COL5A2: variants seen among roughly 807,000 people sequenced by gnomAD.
COL5A2 encodes the protein collagen type V alpha 2 chain.
A neutral mutation model predicts 208.2 loss-of-function variants in COL5A2; 23 were observed. The ratio of observed to expected loss-of-function variants is 0.11; its 90% confidence interval spans 0.08 to 0.16. The LOEUF (loss-of-function observed/expected upper bound fraction) is 0.16, where lower values mean the gene tolerates loss of function less well. Among genes scored for constraint, COL5A2 ranks in the 10% least tolerant of loss-of-function variants. The pLI, the probability that COL5A2 is intolerant of heterozygous loss-of-function variation, is 1.00. For missense variants in COL5A2, 1,590 were observed against 1,956.4 expected, an observed-to-expected ratio of 0.81 and a Z score of 3.53; for synonymous variants, 625 against 628.5, an observed-to-expected ratio of 0.99 and a Z score of 0.08.
chr2:189,162,520 C>T (rs984716387), intron 1 of COL5A2, among the ~76,000 whole-genome samples: 19 of 151,948 alleles, frequency 1.3e-4, no homozygotes, highest in African/African-American at 3.1e-4. Context: ...ATTTAAATCC[C>T]CCAAAGTAGT....
chr2:189,169,928 G>C (rs536462199), intron 1 of COL5A2, among the ~76,000 whole-genome samples: 2 of 152,146 alleles, frequency 1.3e-5, no homozygotes, highest in African/African-American at 4.8e-5. Context: ...TGTTGGTCAG[G>C]CTGTTCTCAA....
At chr2:189,217,670 G>A (rs1157130893) in intron 1 of COL5A2, among the ~76,000 whole-genome samples, 3 of 152,120 alleles carry the variant, frequency 2.0e-5, no homozygotes, top group African/African-American at 7.2e-5. Flanking sequence ...TAGCAGAGGC[G>A]CAGCTTCCAA....
the COL5A2 span, among the ~76,000 whole-genome samples, chr2:189,432,009 C>T: frequency 6.6e-6 from 1 of 152,284 alleles, no homozygotes; most frequent in Non-Finnish European, 1.5e-5. Flanking sequence ...TCAGCAGAAA[C>T]CCTACAAGCC....
At chr2:189,347,350 G>T in the COL5A2 span, among the ~76,000 whole-genome samples, 1 of 152,092 alleles carries the variant, frequency 6.6e-6, no homozygotes, top group African/African-American at 2.4e-5. Context: ...GTTGTCCCAT[G>T]ATTAGGAACA....
At chr2:189,066,567 T>G in intron 22 of COL5A2, 70 bp from the exon 23 acceptor site, 1 of 1,516,566 alleles carries the variant, frequency 6.6e-7, no homozygotes, top group Admixed American at 1.7e-5. Context: ...GAAGCCTAAT[T>G]TAACGAAGTC....
chr2:189,339,365 A>C, the COL5A2 span, among the ~76,000 whole-genome samples: 1 of 152,112 alleles, frequency 6.6e-6, no homozygotes, highest in Non-Finnish European at 1.5e-5. Flanking sequence ...AAAAAAAAAA[A>C]AAAGATTTGT....
At chr2:189,432,480 G>A in the COL5A2 span, among the ~76,000 whole-genome samples, 2 of 152,304 alleles carry the variant, frequency 1.3e-5, no homozygotes, top group South Asian at 2.1e-4. Context: ...TAAAGGGATG[G>A]AGGAAGACCT....
intron 43 of COL5A2, among the ~76,000 whole-genome samples, chr2:189,050,294 T>C (rs1685756954): frequency 6.6e-6 from 1 of 152,228 alleles, no homozygotes; most frequent in Non-Finnish European, 1.5e-5. Flanking sequence ...GGGATCTTTT[T>C]AATCTTTGAA....
chr2:189,264,424 G>GT, the COL5A2 span, among the ~76,000 whole-genome samples: 1 of 152,024 alleles, frequency 6.6e-6, no homozygotes, highest in Non-Finnish European at 1.5e-5. Context: ...TCTTAAAAAC[G>GT]TGTTTATAGA....
intron 15 of COL5A2, 116 bp downstream of exon 15, chr2:189,078,947 G>A: frequency 1.2e-6 from 1 of 838,124 alleles, no homozygotes; most frequent in South Asian, 1.5e-5. Context: ...TATTTTACTA[G>A]CCAACATATG....
the COL5A2 span, among the ~76,000 whole-genome samples, chr2:189,234,467 T>G: frequency 6.6e-6 from 1 of 151,846 alleles, no homozygotes; most frequent in Non-Finnish European, 1.5e-5. Context: ...AATGAAGATT[T>G]TGGTAATGTA....
At position 189,063,056 on chromosome 2, in the gene COL5A2, G is replaced by A; in HGVS notation, c.1877C>T (p.Pro626Leu). 1 of 1,614,112 alleles carries A rather than the reference G, an allele frequency of 6.2e-7. No homozygotes were observed. The highest frequency in any genetic ancestry group is 8.5e-7 in the Non-Finnish European group (1 of 1,180,000). ...ATTTCCTGCTTCTCCAGGTTTCCCA[G>A]GGTCACCCTAAAGAATAAATGAAAC... ...LPGPKGSSGD[P>L]GKPGEAGNAG... is the part of the protein sequence containing the mutation. The change falls in exon 28 of 54, where the codon CCT (proline) becomes CTT (leucine). Residue 626 changes from proline to leucine, a missense_variant. Coordinates refer to ENST00000374866, the MANE Select transcript of COL5A2 (RefSeq NM_000393.5).
At chr2:189,215,658 T>A (rs1296456257) in intron 1 of COL5A2, among the ~76,000 whole-genome samples, 2 of 152,002 alleles carry the variant, frequency 1.3e-5, no homozygotes, top group East Asian at 1.9e-4. Flanking sequence ...AAAAACAAAA[T>A]ATATATATAG....
At chr2:189,095,563 G>A (rs1686891560) in intron 6 of COL5A2, among the ~76,000 whole-genome samples, 1 of 151,628 alleles carries the variant, frequency 6.6e-6, no homozygotes, top group African/African-American at 2.4e-5. Flanking sequence ...CACATTGATT[G>A]TCTCAGGCCT....
chr2:189,153,127 C>G (rs184794314), intron 1 of COL5A2, among the ~76,000 whole-genome samples: 1 of 152,292 alleles, frequency 6.6e-6, no homozygotes, highest in Admixed American at 6.5e-5. Flanking sequence ...CACAAAAAGT[C>G]AACCTAGCTA....
At chr2:189,378,008 CTAACT>C in the COL5A2 span, among the ~76,000 whole-genome samples, 1 of 152,048 alleles carries the variant, frequency 6.6e-6, no homozygotes, top group South Asian at 2.1e-4. Context: ...TAAGAGTTAC[CTAACT>C]TAAACTTGGA....
At position 189,053,441 on chromosome 2, in the gene COL5A2, C is replaced by T; in HGVS notation, c.2536G>A (p.Gly846Ser). 1 of 1,613,726 alleles carries T rather than the reference C, an allele frequency of 6.2e-7. No individual in the cohort carries two copies. The highest frequency in any genetic ancestry group is 8.5e-7 in the Non-Finnish European group (1 of 1,179,822). The change falls in exon 38 of 54, where the codon GGT (glycine) becomes AGT (serine). Residue 846 changes from glycine (G) to serine (S), a missense_variant. Transcript: ENST00000374866. ...AATTATACCTGGGGTCCGGCAAAAC[C>T]AACAGCTCCAGTTGGCCCATTTTCA... is the stretch of plus-strand genomic sequence containing the variant. ...RGENGPTGAV[G>S]FAGPQGPDGQ... is the part of the protein sequence containing the mutation.
chr2:189,314,049 A>G, the COL5A2 span, among the ~76,000 whole-genome samples: 1 of 152,182 alleles, frequency 6.6e-6, no homozygotes, highest in Admixed American at 6.5e-5. Flanking sequence ...ACAGAAAATT[A>G]ACAAAGATAT....
the COL5A2 span, among the ~76,000 whole-genome samples, chr2:189,377,483 G>A: frequency 6.6e-6 from 1 of 152,296 alleles, no homozygotes; most frequent in East Asian, 1.9e-4. Flanking sequence ...TCATGTTTGT[G>A]TTTCCAGTTT....
Sources: allele counts gnomAD v4.1 joint callset (sites outside exome capture counted in the v4.1 genomes callset), GRCh38; gene constraint gnomAD v4.1.1; transcripts MANE v1.5; gene names NCBI Gene and HGNC (gene_info 2026-07-23, HGNC 2026-07-21).